The following CDH13 variants were observed in gnomAD, a reference collection of about 807,000 sequenced individuals.
The protein encoded by CDH13 is cadherin 13.
A neutral mutation model predicts 63.8 loss-of-function variants in CDH13; 24 were observed. The observed-to-expected ratio is 0.38, with a 90% CI of 0.27 to 0.53. The LOEUF (loss-of-function observed/expected upper bound fraction) is 0.53, where lower values mean the gene tolerates loss of function less well. CDH13 is among the 20% of genes least tolerant of loss of function. CDH13 has a pLI of 0.85. For synonymous variants in CDH13, 503 were observed against 355.3 expected (o/e 1.42, Z -4.67); for missense variants, 1,049 against 903.1 (o/e 1.16, Z -2.07).
At chr16:83,467,231 T>C in intron 6 of CDH13, among the ~76,000 whole-genome samples, 1 of 152,220 alleles carries the variant, frequency 6.6e-6, no homozygotes, top group East Asian at 1.9e-4. Flanking sequence ...AAATACACCG[T>C]GCACATTTTT....
At chr16:82,684,117 G>T (rs1023174232) in intron 1 of CDH13, among the ~76,000 whole-genome samples, 1 of 152,230 alleles carries the variant, frequency 6.6e-6, no homozygotes, top group African/African-American at 2.4e-5. Flanking sequence ...CAGGGAGTTA[G>T]AGGTTCAATC....
At chr16:83,683,918 A>G (rs1904278664) in intron 10 of CDH13, among the ~76,000 whole-genome samples, 1 of 152,232 alleles carries the variant, frequency 6.6e-6, no homozygotes, top group African/African-American at 2.4e-5. Flanking sequence ...AAAACAGATC[A>G]GGTTCCCACT....
intron 10 of CDH13, among the ~76,000 whole-genome samples, chr16:83,691,565 C>T (rs1904887250): frequency 6.6e-6 from 1 of 152,066 alleles, no homozygotes; most frequent in Non-Finnish European, 1.5e-5. Context: ...TCACACCCAC[C>T]TGGCACTTTG....
intron 6 of CDH13, among the ~76,000 whole-genome samples, chr16:83,469,836 T>G (rs1009005355): frequency 6.6e-6 from 1 of 152,262 alleles, no homozygotes; most frequent in Non-Finnish European, 1.5e-5. Flanking sequence ...ACATCTCATA[T>G]TTGAAATGTA....
chr16:83,378,933 C>G (rs1446328953), intron 6 of CDH13, among the ~76,000 whole-genome samples: 1 of 151,858 alleles, frequency 6.6e-6, no homozygotes, highest in Non-Finnish European at 1.5e-5. Context: ...GTGCATATTT[C>G]TTATAATTAT....
intron 1 of CDH13, chr16:82,826,068 G>C (rs2038236552): frequency 6.6e-6 from 1 of 152,088 alleles, no homozygotes; most frequent in Non-Finnish European, 1.5e-5. Context: ...TGTTGGCCAG[G>C]ATGGTCTTGA....
Position 83,678,454 on chromosome 16 carries a change from A to G in CDH13, c.1531A>G (p.Thr511Ala), listed in dbSNP as rs1915142959. ...GGACCCCGACTCCCTGCAGCATCAA[A>G]CCATCAGGTGGGTGAGTGGCTCCGG... ...ATDPDSLQHQ[T>A]IRYSVYKDPA... Residue 511 changes from threonine to alanine, a missense_variant, in exon 10 of 14, where the codon ACC (threonine) becomes GCC (alanine). Coordinates refer to ENST00000567109, the MANE Select transcript of CDH13 (RefSeq NM_001257.5). 6.2e-7 allele frequency: 1 copy of G among 1,613,846 alleles called. No homozygotes were observed. The highest frequency in any genetic ancestry group is 8.5e-7 in the Non-Finnish European group (1 of 1,179,878).
intron 8 of CDH13, among the ~76,000 whole-genome samples, chr16:83,609,857 C>T (rs895371539): frequency 6.6e-6 from 1 of 152,174 alleles, no homozygotes; most frequent in Non-Finnish European, 1.5e-5. Context: ...GAAACCCGAA[C>T]CCATGAGCAG....
chr16:82,927,620 C>T (rs76228205), intron 2 of CDH13, among the ~76,000 whole-genome samples: 1 of 152,310 alleles, frequency 6.6e-6, no homozygotes, highest in East Asian at 1.9e-4. Context: ...AACTGTTCCT[C>T]AAGAACTCTT....
intron 5 of CDH13, among the ~76,000 whole-genome samples, chr16:83,304,840 C>T (rs989126659): frequency 2.0e-5 from 3 of 152,134 alleles, no homozygotes; most frequent in Non-Finnish European, 4.4e-5. Flanking sequence ...AACTCTCTCC[C>T]TCTCTCCCCC....
chr16:83,177,679 G>A (rs933168605), intron 4 of CDH13, among the ~76,000 whole-genome samples: 1 of 152,166 alleles, frequency 6.6e-6, no homozygotes, highest in African/African-American at 2.4e-5. Context: ...GGATAAGCCT[G>A]TCAAGACCCA....
chr16:82,718,921 G>A (rs927088466), intron 1 of CDH13, among the ~76,000 whole-genome samples: 1 of 152,180 alleles, frequency 6.6e-6, no homozygotes, highest in African/African-American at 2.4e-5. Flanking sequence ...AGATGGAACA[G>A]CATCTCACCA....
At chr16:83,265,263 C>G (rs1048354055) in intron 5 of CDH13, among the ~76,000 whole-genome samples, 2 of 152,220 alleles carry the variant, frequency 1.3e-5, no homozygotes, top group African/African-American at 2.4e-5. Context: ...TGCCTTTGTC[C>G]TGTACTGAGT....
intron 1 of CDH13, chr16:82,689,141 C>T (rs889698275): frequency 6.7e-6 from 1 of 150,374 alleles, no homozygotes; most frequent in Non-Finnish European, 1.5e-5. Context: ...CAGGTTTATT[C>T]TTCTAACTTG....
intron 3 of CDH13, among the ~76,000 whole-genome samples, chr16:83,058,681 C>G (rs145581661): frequency 1.3e-5 from 2 of 152,180 alleles, no homozygotes; most frequent in Non-Finnish European, 2.9e-5. Flanking sequence ...GTAAATAGAA[C>G]TAAATATTTA....
At chr16:82,721,151 G>T (rs1457517791) in intron 1 of CDH13, among the ~76,000 whole-genome samples, 1 of 152,146 alleles carries the variant, frequency 6.6e-6, no homozygotes, top group Non-Finnish European at 1.5e-5. Flanking sequence ...CATTCATTGA[G>T]CACCTACAGT....
intron 2 of CDH13, among the ~76,000 whole-genome samples, chr16:83,015,723 A>ATATATATATATATAT (rs1293160001): frequency 1.4e-4 from 18 of 125,700 alleles, no homozygotes; most frequent in Non-Finnish European, 2.2e-4. Flanking sequence ...ATATATATAT[A>ATATATATATATATAT]AAGAAAAAGC....
At chr16:83,014,818 A>ATATATATG (rs1270333126) in intron 2 of CDH13, among the ~76,000 whole-genome samples, 2,256 of 74,010 alleles carry the variant, frequency 0.03, 71 homozygotes, top group South Asian at 0.05. Flanking sequence ...ATATATTTGT[A>ATATATATG]TATATATATT....
At chr16:83,104,796 G>A (rs1597344203) in intron 3 of CDH13, among the ~76,000 whole-genome samples, 1 of 152,196 alleles carries the variant, frequency 6.6e-6, no homozygotes, top group African/African-American at 2.4e-5. Context: ...AGAGTTTGCA[G>A]CCATAACATT....
Sources: gnomAD v4.1 joint callset for allele counts (sites outside exome capture counted in the v4.1 genomes callset) on GRCh38, gnomAD v4.1.1 for gene constraint, MANE v1.5 for transcripts, NCBI Gene and HGNC (gene_info 2026-07-23, HGNC 2026-07-21) for gene names.